PCDH11X: variants seen among roughly 807,000 people sequenced by gnomAD.
PCDH11X encodes the protein protocadherin 11 X-linked.
Under a neutral mutation model 53.3 loss-of-function variants are expected in PCDH11X, and 18 were observed. That is an observed-to-expected ratio of 0.34 (90% CI 0.23 to 0.50). PCDH11X has a LOEUF of 0.50. Ranked by LOEUF, PCDH11X falls within the 20% of genes least tolerant of loss-of-function variation. The probability of loss-of-function intolerance (pLI) is 0.98; values close to 1 mark genes in which losing one functional copy is unlikely to be tolerated. For missense variants in PCDH11X, 570 were observed against 1,032.4 expected, an observed-to-expected ratio of 0.55 and a Z score of 6.14; for synonymous variants, 279 against 393.3, an observed-to-expected ratio of 0.71 and a Z score of 3.44.
intron 6 of PCDH11X, among the ~76,000 whole-genome samples, chrX:92,155,731 C>T (rs1405491764): frequency 1.8e-5 from 2 of 108,359 alleles, no homozygotes; most frequent in Non-Finnish European, 1.9e-5. Flanking sequence ...GGTTCACGCC[C>T]TTCTCCTGCC....
intron 8 of PCDH11X, among the ~76,000 whole-genome samples, chrX:92,321,549 G>C (rs1189928104): frequency 9.0e-6 from 1 of 111,449 alleles, no homozygotes. Flanking sequence ...TTAGCTGCTA[G>C]AGAAAAATAA....
intron 6 of PCDH11X, among the ~76,000 whole-genome samples, chrX:92,013,906 GTT>G (rs971064717): frequency 4.5e-5 from 5 of 111,788 alleles, no homozygotes; most frequent in Non-Finnish European, 7.5e-5. Context: ...AGACTTAAAT[GTT>G]AGACCTAAAA....
At chrX:92,229,033 C>T (rs1300586942) in intron 7 of PCDH11X, among the ~76,000 whole-genome samples, 2 of 111,661 alleles carry the variant, frequency 1.8e-5, no homozygotes, top group Non-Finnish European at 3.8e-5. Flanking sequence ...TTAAAAATCG[C>T]AAATCTCCTT....
chrX:92,525,494 G>A (rs986844315), intron 10 of PCDH11X, among the ~76,000 whole-genome samples: 2 of 108,877 alleles, frequency 1.8e-5, no homozygotes, highest in Non-Finnish European at 3.8e-5. Context: ...AGCCAGGAGT[G>A]GTGGTGCATG....
intron 9 of PCDH11X, among the ~76,000 whole-genome samples, chrX:92,428,610 CTTT>C (rs2072179852): frequency 1.1e-5 from 1 of 87,642 alleles, no homozygotes; most frequent in Non-Finnish European, 2.3e-5. Context: ...ATTTCTTTTT[CTTT>C]CTTTCTTTCT....
chrX:92,129,316 G>A (rs760038743), intron 6 of PCDH11X, among the ~76,000 whole-genome samples: 17 of 110,751 alleles, frequency 1.5e-4, no homozygotes, highest in African/African-American at 5.0e-4. Flanking sequence ...GCTTGAACCT[G>A]GGAGGCAGAA....
intron 6 of PCDH11X, among the ~76,000 whole-genome samples, chrX:92,151,674 AC>A (rs893173742): frequency 6.3e-5 from 7 of 111,529 alleles, no homozygotes; most frequent in South Asian, 3.7e-4. Flanking sequence ...AAACAAAAAA[AC>A]TTCACATTAG....
chrX:91,835,293 A>T (rs191427722), intron 4 of PCDH11X, 168 bp from the exon 5 acceptor site: 644 of 1,155,765 alleles, frequency 5.6e-4, no homozygotes, highest in Non-Finnish European at 7.1e-4. Flanking sequence ...GTACGAATTC[A>T]TAATATTTGA....
At chrX:92,279,527 G>A (rs770483483) in intron 8 of PCDH11X, among the ~76,000 whole-genome samples, 20 of 112,173 alleles carry the variant, frequency 1.8e-4, no homozygotes, top group Non-Finnish European at 3.6e-4. Context: ...TGATTTCTGG[G>A]AATTGTTTGC....
intron 6 of PCDH11X, among the ~76,000 whole-genome samples, chrX:91,920,316 G>A (rs1014847190): frequency 9.1e-6 from 1 of 110,249 alleles, no homozygotes. Context: ...CTGTGCAATG[G>A]TGGATAAAAT....
intron 6 of PCDH11X, among the ~76,000 whole-genome samples, chrX:92,111,285 G>A (rs1292377552): frequency 4.5e-5 from 4 of 89,549 alleles, no homozygotes; most frequent in Non-Finnish European, 6.2e-5. Context: ...ATATGTTTTC[G>A]CAATACAGAT....
intron 6 of PCDH11X, among the ~76,000 whole-genome samples, chrX:92,144,944 T>A (rs961565080): frequency 1.4e-4 from 16 of 111,567 alleles, no homozygotes; most frequent in Non-Finnish European, 2.4e-4. Flanking sequence ...TATGTATAAA[T>A]GTCCTGGGGG....
chrX:92,112,580 A>G (rs2064543139), intron 6 of PCDH11X, among the ~76,000 whole-genome samples: 1 of 109,567 alleles, frequency 9.1e-6, no homozygotes, highest in African/African-American at 3.5e-5. Context: ...TCTTATGACA[A>G]TTTGATATCA....
At chrX:92,049,177 G>A (rs1250766089) in intron 6 of PCDH11X, among the ~76,000 whole-genome samples, 1 of 110,874 alleles carries the variant, frequency 9.0e-6, no homozygotes, top group Non-Finnish European at 1.9e-5. Flanking sequence ...CCTGGATCTG[G>A]AAAGGAAGGA....
intron 7 of PCDH11X, among the ~76,000 whole-genome samples, chrX:92,215,030 G>A (rs921383668): frequency 1.1e-4 from 12 of 111,523 alleles, no homozygotes; most frequent in East Asian, 5.7e-4. Flanking sequence ...CCCCGGCGAC[G>A]GAAGGGAGAT....
rs1384533174 is a variant in PCDH11X at position 92,262,948 on chromosome X, G to A, written c.3115-166G>A. ...CCACTGAAGAATGTAGGAGATGAAA[G>A]TAGTTTCAGCAGAAAAACAAAGCTG... On this transcript the variant is annotated intron_variant, in intron 7 of 10. Coordinates refer to ENST00000682573, the MANE Select transcript of PCDH11X (RefSeq NM_032968.5). 9 of 626,787 alleles carry A rather than the reference G, an allele frequency of 1.4e-5. No individual in the cohort carries two copies. In the East Asian group the frequency reaches 8.3e-4, roughly 58 times the overall value. 51.7% of individuals were successfully genotyped at this position (626,787 alleles called of 1,213,427 possible).
intron 6 of PCDH11X, among the ~76,000 whole-genome samples, chrX:92,102,596 G>A (rs1431307365): frequency 2.7e-5 from 3 of 111,970 alleles, no homozygotes; most frequent in Non-Finnish European, 5.6e-5. Context: ...AGTAATGGGG[G>A]CTGTCTGTGA....
chrX:92,448,728 G>C (rs1346131173), intron 9 of PCDH11X, among the ~76,000 whole-genome samples: 1 of 108,425 alleles, frequency 9.2e-6, no homozygotes, highest in Admixed American at 1.0e-4. Flanking sequence ...GTGGAGAAAG[G>C]GTACTTAATT....
chrX:92,128,788 G>A (rs1230467857), intron 6 of PCDH11X, among the ~76,000 whole-genome samples: 3 of 110,502 alleles, frequency 2.7e-5, no homozygotes, highest in Non-Finnish European at 5.7e-5. Flanking sequence ...GGCAGATTAT[G>A]TGTCAAAATT....
Sources: allele counts gnomAD v4.1 joint callset (sites outside exome capture counted in the v4.1 genomes callset), GRCh38; gene constraint gnomAD v4.1.1; transcripts MANE v1.5; gene names NCBI Gene and HGNC (gene_info 2026-07-23, HGNC 2026-07-21).